The following TRNP1 variants were observed in gnomAD, a reference collection of about 807,000 sequenced individuals.
The protein encoded by TRNP1 is TMF-regulated nuclear protein 1.
TRNP1 carries 16 observed loss-of-function variants against 12.2 expected under a neutral mutation model. The observed-to-expected ratio is 1.31, with a 90% CI of 0.89 to 1.99. The LOEUF (loss-of-function observed/expected upper bound fraction) is 1.99. Among genes scored for constraint, TRNP1 ranks in the 30% most tolerant of loss-of-function variants. The pLI is 0.00. For missense variants in TRNP1, 338 were observed against 330.4 expected (o/e 1.02, Z -0.18); for synonymous variants, 139 against 166.2 (o/e 0.84, Z 1.26).
chr1:26,994,171 C>T lies in TRNP1; in HGVS notation c.385C>T (p.Gln129Ter). 6 of 1,299,698 alleles carry T rather than the reference C, an allele frequency of 4.6e-6. No individual in the cohort carries two copies. The highest frequency in any genetic ancestry group is 4.9e-6 in the Non-Finnish European group (5 of 1,019,152). The allele number at this position is 1,299,698 out of a possible 1,614,324, so 80.5% of individuals were successfully genotyped here. ...LVSELESRVL[Q>*]LHRVFLAAEL... ...GTCGGAGCTGGAGAGCCGCGTGCTG[C>T]AGCTGCACCGCGTTTTCTTGGCGGC... The change falls in exon 1 of 2, where the codon CAG (glutamine) becomes TAG (stop). Residue 129 changes from glutamine (Q) to a stop codon, truncating the protein, a stop_gained. Transcript: ENST00000522111. LOFTEE classifies it high-confidence loss of function. The surrounding 1 kb of genome is among the most constrained non-coding windows in gnomAD (Gnocchi z 6.9).
In TRNP1 at chr1:26,994,041, C is replaced by T. The variant is rs1177159956; in HGVS notation, c.255C>T (p.Gly85=). The T allele has an allele frequency of 3.2e-6, 4 of 1,233,826 alleles. No individual in the cohort carries two copies. The highest frequency in any genetic ancestry group is 3.7e-5 in the South Asian group (1 of 27,234). The allele number at this position is 1,233,826 out of a possible 1,614,324, so 76.4% of individuals were successfully genotyped here. The part of the protein sequence containing the change: ...QGASGIAGLA[G]PGGGSGAAAG... ...CTAGCGGGATCGCGGGGCTCGCCGG[C>T]CCCGGAGGGGGCTCTGGCGCGGCTG... is the stretch of plus-strand genomic sequence containing the variant. Residue 85 remains glycine, a synonymous_variant, in exon 1 of 2, where the codon GGC becomes GGT. Transcript: ENST00000522111. This position sits in a 1 kb window ranked among gnomAD's most constrained non-coding sequence, Gnocchi z 6.9.
At chr1:26,995,877 G>A (rs1337786093) in intron 1 of TRNP1, among the ~76,000 whole-genome samples, 2 of 152,182 alleles carry the variant, frequency 1.3e-5, no homozygotes, top group African/African-American at 4.8e-5. Context: ...TGATCTGTCC[G>A]CTTCGGCCTC....
rs1398985300 is a variant in TRNP1 at position 27,000,050 on chromosome 1, C to T, written c.*346C>T. ...GCTCTGAATTTCTTCATATACCCCA[C>T]ATTTGACTTTGGCTTACACTGTACA... On this transcript the variant is annotated 3_prime_UTR_variant, in exon 2 of 2. Coordinates refer to ENST00000522111, the MANE Select transcript of TRNP1 (RefSeq NM_001013642.3). The T allele has an allele frequency of 1.3e-5, 2 of 152,228 alleles. No homozygotes were observed. Among genetic ancestry groups the T allele is most frequent in the Non-Finnish European group, 2.9e-5 (2 of 68,052 alleles). The allele number at this position is 152,228 out of a possible 1,614,324, so 9.4% of individuals were successfully genotyped here. A position where few individuals can be genotyped will look rare whatever the true frequency, so the allele number is the denominator to read the frequency against.
chr1:26,998,735 T>C (rs2082557659), intron 1 of TRNP1, among the ~76,000 whole-genome samples: 1 of 152,120 alleles, frequency 6.6e-6, no homozygotes, highest in African/African-American at 2.4e-5. Context: ...CCTGAGCACT[T>C]TACACCCATT....
At position 26,993,776 on chromosome 1, in the gene TRNP1, G is replaced by C. The variant is rs1404076049; in HGVS notation, c.-11G>C. 2 of 1,312,274 alleles carry C rather than the reference G, an allele frequency of 1.5e-6. No homozygotes were observed. Among genetic ancestry groups the C allele is most frequent in the Non-Finnish European group, 1.9e-6 (2 of 1,032,234 alleles). 81.3% of individuals were successfully genotyped at this position (1,312,274 alleles called of 1,614,324 possible). ...CACCTACAGCCGCAGACCGCCGGTG[G>C]GGGGCGGGGGATGCCGGGCTGCCGC... On this transcript the variant is annotated 5_prime_UTR_variant, in exon 1 of 2. Transcript: ENST00000522111.
chr1:26,996,288 C>CT (rs2082545191), intron 1 of TRNP1, among the ~76,000 whole-genome samples: 1 of 152,262 alleles, frequency 6.6e-6, no homozygotes, highest in Non-Finnish European at 1.5e-5. Context: ...CTCTGATAGG[C>CT]TGAGGCTTGG....
At chr1:26,996,101 C>G (rs2082544469) in intron 1 of TRNP1, among the ~76,000 whole-genome samples, 1 of 152,154 alleles carries the variant, frequency 6.6e-6, no homozygotes, top group Non-Finnish European at 1.5e-5. Context: ...CCCACAGTAC[C>G]CTGGGCAGGG....
rs1183152267 is a variant in TRNP1 at position 27,000,424 on chromosome 1, TTGGGG to T, written c.*726_*730del. 6.6e-6 allele frequency: 1 copy of T among 152,464 alleles called. No individual in the cohort carries two copies. Among genetic ancestry groups the T allele is most frequent in the Non-Finnish European group, 1.5e-5 (1 of 68,016 alleles). 9.4% of individuals were successfully genotyped at this position (152,464 alleles called of 1,614,324 possible). A position where few individuals can be genotyped will look rare whatever the true frequency, so the allele number is the denominator to read the frequency against. On this transcript the variant is annotated 3_prime_UTR_variant, in exon 2 of 2. Coordinates refer to ENST00000522111, the MANE Select transcript of TRNP1 (RefSeq NM_001013642.3). ...AAGATAGTCTGCTGGCTCCTAGGGG[TTGGGG>T]TGGGGGACACACCTTTTTCTCAGGA...
In TRNP1 at chr1:26,994,403, A is replaced by T. The variant is rs1202466231; in HGVS notation, c.617A>T (p.His206Leu). The change falls in exon 1 of 2, where the codon CAC (histidine) becomes CTC (leucine). Residue 206 changes from histidine (H) to leucine (L), a missense_variant. Coordinates refer to ENST00000522111, the MANE Select transcript of TRNP1 (RefSeq NM_001013642.3). The surrounding 1 kb of genome is among the most constrained non-coding windows in gnomAD (Gnocchi z 6.9). ...GGTGCCGGGCGACTGCGGCGCGGCC[A>T]CGGCCCCGAGCCCGACTCGCCCTTC... The part of the protein sequence containing the change: ...PWGAGRLRRG[H>L]GPEPDSPFRR... 1 of 1,137,372 alleles carries T rather than the reference A, an allele frequency of 8.8e-7. No individual in the cohort carries two copies. The highest frequency in any genetic ancestry group is 1.6e-5 in the African/African-American group (1 of 60,624). The allele number at this position is 1,137,372 out of a possible 1,614,324, so 70.5% of individuals were successfully genotyped here.
In TRNP1 at chr1:26,994,486, C is replaced by T. The variant is rs2082535454; in HGVS notation, c.*16C>T. 2 of 1,174,358 alleles carry T rather than the reference C, an allele frequency of 1.7e-6. No homozygotes were observed. The highest frequency in any genetic ancestry group is 3.7e-5 in the East Asian group (1 of 26,996). The allele number at this position is 1,174,358 out of a possible 1,614,324, so 72.7% of individuals were successfully genotyped here. A position where few individuals can be genotyped will look rare whatever the true frequency, so the allele number is the denominator to read the frequency against. ...GCAGCGCTGACCTCCACGCCCGGAC[C>T]CCTGGCCACCCCGACAAGCTTCGCC... On this transcript the variant is annotated 3_prime_UTR_variant, in exon 1 of 2. Transcript: ENST00000522111. This position sits in a 1 kb window ranked among gnomAD's most constrained non-coding sequence, Gnocchi z 6.9.
At chr1:26,995,304 G>A (rs2124192874) in intron 1 of TRNP1, among the ~76,000 whole-genome samples, 1 of 152,294 alleles carries the variant, frequency 6.6e-6, no homozygotes, top group East Asian at 1.9e-4. Context: ...AAGATGGCTC[G>A]GCCAGGTTGG....
intron 1 of TRNP1, among the ~76,000 whole-genome samples, chr1:26,998,312 G>T (rs541764970): frequency 5.3e-5 from 8 of 152,308 alleles, no homozygotes; most frequent in African/African-American, 1.7e-4. Context: ...TTCCAGAAAA[G>T]ACAGGTAGCC....
At position 26,994,440 on chromosome 1, in the gene TRNP1, G is replaced by A. The variant is rs1334520286; in HGVS notation, c.654G>A (p.Pro218=). Residue 218 remains proline, a synonymous_variant, in exon 1 of 2, where the codon CCG becomes CCA. Coordinates refer to ENST00000522111, the MANE Select transcript of TRNP1 (RefSeq NM_001013642.3). The surrounding 1 kb of genome is among the most constrained non-coding windows in gnomAD (Gnocchi z 6.9). ...PEPDSPFRRS[P]PRGPASPQR The stretch of plus-strand genomic sequence containing the variant: ...CCGACTCGCCCTTCCGCCGCAGCCC[G>A]CCCCGCGGCCCCGCCTCCCCGCAGC... 14 of 1,172,496 alleles carry A rather than the reference G, an allele frequency of 1.2e-5. No homozygotes were observed. The highest frequency in any genetic ancestry group is 1.5e-5 in the Non-Finnish European group (14 of 950,024). 72.6% of individuals were successfully genotyped at this position (1,172,496 alleles called of 1,614,324 possible).
rs2082534423 is a variant in TRNP1, at chr1:26,994,366, T to C, written c.580T>C (p.Cys194Arg). Reference sequence around the variant, plus strand: ...GGCCTCGGCGCTGGGCCTGGGCGGCTGCGTGCCCTGGGGTGCCGGGCGACT... The same window carrying C: ...GGCCTCGGCGCTGGGCCTGGGCGGCCGCGTGCCCTGGGGTGCCGGGCGACT... ...LLASALGLGG[C>R]VPWGAGRLRR... is the part of the protein sequence containing the mutation. Residue 194 changes from cysteine (C) to arginine (R), a missense_variant, in exon 1 of 2, where the codon TGC becomes CGC. Cys to Arg is a radical substitution (Grantham distance 180). Coordinates refer to ENST00000522111, the MANE Select transcript of TRNP1 (RefSeq NM_001013642.3). This position sits in a 1 kb window ranked among gnomAD's most constrained non-coding sequence, Gnocchi z 6.9. 1 of 1,090,550 alleles carries C rather than the reference T, an allele frequency of 9.2e-7. No homozygotes were observed. Among genetic ancestry groups the C allele is most frequent in the Non-Finnish European group, 1.1e-6 (1 of 899,122 alleles). The allele number at this position is 1,090,550 out of a possible 1,614,324, so 67.6% of individuals were successfully genotyped here.
At position 26,994,305 on chromosome 1, in the gene TRNP1, G is replaced by GCGCCGCGGC. The variant is rs964211094; in HGVS notation, c.531_539dup (p.Arg178_Arg180dup). On this transcript the variant is annotated inframe_insertion, in exon 1 of 2. Transcript: ENST00000522111. This position sits in a 1 kb window ranked among gnomAD's most constrained non-coding sequence, Gnocchi z 6.9. Reference sequence around the variant, plus strand: ...ACGGGTCGCGCCTCAAGAAGGGCCCGCGCCGCGGCCGCCGCGGCCGACCCC... The same window carrying GCGCCGCGGC: ...ACGGGTCGCGCCTCAAGAAGGGCCCGCGCCGCGGCCGCCGCGGCCGCCGCGGCCGACCCC... 9.6e-6 allele frequency: 11 copies of GCGCCGCGGC among 1,144,262 alleles called. No individual in the cohort carries two copies. The East Asian group carries it at 1.7e-4, about 18-fold the overall frequency. The allele number at this position is 1,144,262 out of a possible 1,614,324, so 70.9% of individuals were successfully genotyped here. A position where few individuals can be genotyped will look rare whatever the true frequency, so the allele number is the denominator to read the frequency against.
At chr1:26,997,193 C>G (rs1251635093) in intron 1 of TRNP1, among the ~76,000 whole-genome samples, 1 of 151,894 alleles carries the variant, frequency 6.6e-6, no homozygotes, top group Non-Finnish European at 1.5e-5. Context: ...CAAAAATTAG[C>G]TGGGCGTGGT....
rs1455573254 is a variant in TRNP1, at chr1:26,994,928, C to T, written c.*142+316C>T. On this transcript the variant is annotated intron_variant, in intron 1 of 1. Transcript: ENST00000522111. This position sits in a 1 kb window ranked among gnomAD's most constrained non-coding sequence, Gnocchi z 6.9. Reference sequence around the variant, plus strand: ...CCCACTTGCGTGGCCTTTCCCGGGCCCCTCGGAGCTGTGAGCAGTCTTGCC... The same window carrying T: ...CCCACTTGCGTGGCCTTTCCCGGGCTCCTCGGAGCTGTGAGCAGTCTTGCC... Among the ~76,000 whole-genome samples, 3 of 152,188 alleles carry T rather than the reference C, an allele frequency of 2.0e-5. No individual in the cohort carries two copies. The highest frequency in any genetic ancestry group is 7.2e-5 in the African/African-American group (3 of 41,452).
At chr1:26,996,616 C>G (rs1362140274) in intron 1 of TRNP1, among the ~76,000 whole-genome samples, 1 of 152,166 alleles carries the variant, frequency 6.6e-6, no homozygotes, top group African/African-American at 2.4e-5. Context: ...CAGCCAGGAC[C>G]ATTTGTTTTC....
intron 1 of TRNP1, among the ~76,000 whole-genome samples, chr1:26,997,699 A>G (rs1195317051): frequency 1.3e-5 from 2 of 152,136 alleles, no homozygotes; most frequent in African/African-American, 4.8e-5. Flanking sequence ...GCAAAGGGAA[A>G]TGAGGGGGGA....
Sources: gnomAD v4.1 joint callset for allele counts (sites outside exome capture counted in the v4.1 genomes callset) on GRCh38, gnomAD v4.1.1 for gene constraint, Gnocchi (gnomAD v3.1) non-coding constraint, MANE v1.5 for transcripts, NCBI Gene and HGNC (gene_info 2026-07-23, HGNC 2026-07-21) for gene names.